STAB2: variants seen among roughly 807,000 people sequenced by gnomAD.
The protein encoded by STAB2 is stabilin-2.
A neutral mutation model predicts 338.1 loss-of-function variants in STAB2; 288 were observed. The observed-to-expected ratio is 0.85, with a 90% CI of 0.77 to 0.94. The LOEUF (loss-of-function observed/expected upper bound fraction) is 0.94, where lower values mean the gene tolerates loss of function less well. Ranked by LOEUF, STAB2 falls within the 40% of genes least tolerant of loss-of-function variation. The pLI, the probability that STAB2 is intolerant of heterozygous loss-of-function variation, is 0.00. For synonymous variants in STAB2, 1,202 were observed against 1,193.3 expected (o/e 1.01, Z -0.15); for missense variants, 3,141 against 3,210.1 (o/e 0.98, Z 0.52).
At chr12:103,610,855 T>C (rs1957111492) in intron 3 of STAB2, among the ~76,000 whole-genome samples, 1 of 152,210 alleles carries the variant, frequency 6.6e-6, no homozygotes, top group African/African-American at 2.4e-5. Context: ...ACACACTGCT[T>C]TAAATGTGTC....
At chr12:103,637,930 GT>G in intron 7 of STAB2, 85 bp from the exon 8 acceptor site, 1 of 1,396,594 alleles carries the variant, frequency 7.2e-7, no homozygotes, top group Non-Finnish European at 9.9e-7. Flanking sequence ...TGCCTTTGAG[GT>G]TTTGATCCAC....
chr12:103,664,815 G>T (rs1261525588), intron 18 of STAB2, among the ~76,000 whole-genome samples: 1 of 152,180 alleles, frequency 6.6e-6, no homozygotes, highest in Non-Finnish European at 1.5e-5. Context: ...GATCCTCTGT[G>T]CCAGTCAGAT....
rs1878646495 is a variant in STAB2, at chr12:103,699,147, A to G, written c.3634A>G (p.Asn1212Asp). The change falls in exon 34 of 69, where the codon AAT (asparagine) becomes GAT (aspartate). Residue 1212 changes from asparagine to aspartate, a missense_variant. By Grantham distance (23) the Asn-to-Asp change is conservative. Coordinates refer to ENST00000388887, the MANE Select transcript of STAB2 (RefSeq NM_017564.10). ...GGTCCTGGAGGAGAAACTCCTGAAG[A>G]ATGACCTGCACAATGGCATGCATCG... ...HVVLEEKLLK[N>D]DLHNGMHRET... 1 of 1,613,270 alleles carries G rather than the reference A, an allele frequency of 6.2e-7. No homozygotes were observed. Among genetic ancestry groups the G allele is most frequent in the South Asian group, 1.1e-5 (1 of 91,016 alleles).
chr12:103,618,107 T>C (rs1271606987), intron 3 of STAB2, among the ~76,000 whole-genome samples: 2 of 152,202 alleles, frequency 1.3e-5, no homozygotes, highest in Non-Finnish European at 2.9e-5. Flanking sequence ...GAAGTCTCTT[T>C]CTTCAAGAAC....
intron 15 of STAB2, among the ~76,000 whole-genome samples, chr12:103,655,934 C>T (rs1358096107): frequency 6.6e-6 from 1 of 152,212 alleles, no homozygotes; most frequent in Non-Finnish European, 1.5e-5. Flanking sequence ...ACTCTAAAAT[C>T]ACCTAGAGAA....
At chr12:103,673,223 G>A (rs753953423) in intron 22 of STAB2, among the ~76,000 whole-genome samples, 1 of 152,116 alleles carries the variant, frequency 6.6e-6, no homozygotes, top group African/African-American at 2.4e-5. Context: ...GAAATTTCCA[G>A]GCTAAACTCT....
At chr12:103,643,533 G>C (rs1035503741) in intron 9 of STAB2, among the ~76,000 whole-genome samples, 3 of 152,018 alleles carry the variant, frequency 2.0e-5, no homozygotes, top group African/African-American at 7.2e-5. Flanking sequence ...CTCCCTCTGG[G>C]CTCCCAGAGC....
At chr12:103,673,549 A>G (rs1876031021) in intron 22 of STAB2, among the ~76,000 whole-genome samples, 1 of 151,852 alleles carries the variant, frequency 6.6e-6, no homozygotes, top group African/African-American at 2.4e-5. Flanking sequence ...GGGTTTCACC[A>G]TGTTGCCCAG....
Position 103,727,251 on chromosome 12 carries a change from A to G in STAB2, c.4852-16A>G. On this transcript the variant is annotated splice_polypyrimidine_tract_variant and intron_variant, in intron 46 of 68. Transcript: ENST00000388887. ...GTTAAGTGAGTGATGTGTGAGCCTC[A>G]CCTTTCTTCCCACAGGAGCATTTCG... 6.2e-7 allele frequency: 1 copy of G among 1,614,088 alleles called. No homozygotes were observed. The highest frequency in any genetic ancestry group is 8.5e-7 in the Non-Finnish European group (1 of 1,179,934).
chr12:103,720,932 T>C (rs143867862), intron 44 of STAB2, among the ~76,000 whole-genome samples: 3 of 152,344 alleles, frequency 2.0e-5, no homozygotes, highest in African/African-American at 4.8e-5. Flanking sequence ...TCTGTTTTCT[T>C]CTCTTTTCAC....
In STAB2 at chr12:103,660,734, C is replaced by T; in HGVS notation, c.1840C>T (p.Gln614Ter). ...CCCTCACATCAGGAGCATGGCCAAC[C>T]AGCTCATACAGTTCAACACCACCGA... ...STPHIRSMAN[Q>*]LIQFNTTDNG... Residue 614 changes from glutamine (Q) to a stop codon, truncating the protein, a stop_gained, in exon 17 of 69, where the codon CAG becomes TAG. Transcript: ENST00000388887. LOFTEE classifies it high-confidence loss of function. 6.2e-7 allele frequency: 1 copy of T among 1,614,082 alleles called. No individual in the cohort carries two copies.
chr12:103,654,557 C>T lies in STAB2; in HGVS notation c.1410C>T (p.Asp470=). The change falls in exon 13 of 69, where the codon GAC becomes GAT. Residue 470 remains aspartate (D), a splice_region_variant and synonymous_variant. Transcript: ENST00000388887. ...TTTATCTTTCTTTGGTGTTTTAGGA[C>T]AATCAAATAAAGCTTAAACTCCATG... The part of the protein sequence containing the change: ...KSGEIFNSDK[D]NQIKLKLHGG... The T allele has an allele frequency of 1.2e-6, 2 of 1,613,484 alleles. No homozygotes were observed. The highest frequency in any genetic ancestry group is 1.3e-5 in the African/African-American group (1 of 74,966).
rs753703833 is a variant in STAB2 at position 103,715,819 on chromosome 12, C to A, written c.4542C>A (p.Ile1514=). The change falls in exon 43 of 69, where the codon ATC becomes ATA. Residue 1514 remains isoleucine, a synonymous_variant. Transcript: ENST00000388887. ...YTGDGIVCLE[I]NPCLENHGGC... ...TGTTGGCTTTTTGTTTTAAAGAAAT[C>A]AACCCGTGTTTGGAGAACCATGGTG... 4 of 1,613,936 alleles carry A rather than the reference C, an allele frequency of 2.5e-6. No homozygotes were observed. Among genetic ancestry groups the A allele is most frequent in the East Asian group, 2.2e-5 (1 of 44,898 alleles).
At chr12:103,604,968 G>A (rs767515721) in intron 3 of STAB2, among the ~76,000 whole-genome samples, 2 of 151,312 alleles carry the variant, frequency 1.3e-5, no homozygotes, top group Non-Finnish European at 3.0e-5. Flanking sequence ...TTCTCATATA[G>A]TATTTATTTA....
At chr12:103,727,425 A>G in intron 47 of STAB2, 75 bp downstream of exon 47, 1 of 1,511,718 alleles carries the variant, frequency 6.6e-7, no homozygotes. Flanking sequence ...CCTGGAACCA[A>G]GACTGGAGAT....
chr12:103,731,469 T>A, intron 49 of STAB2, 107 bp from the exon 50 acceptor site: 1 of 1,110,948 alleles, frequency 9.0e-7, no homozygotes, highest in East Asian at 2.6e-5. Flanking sequence ...CCCATCTATG[T>A]ATCCGTCAGG....
In STAB2 at chr12:103,669,560, GC is replaced by G; in HGVS notation, c.2193del (p.Phe732SerfsTer72). On this transcript the variant is annotated frameshift_variant, in exon 21 of 69. Coordinates refer to ENST00000388887, the MANE Select transcript of STAB2 (RefSeq NM_017564.10). LOFTEE classifies it high-confidence loss of function. The stretch of plus-strand genomic sequence containing the variant: ...TTTCAGATTCCAAAGTGCTGCAAAG[GC>G]TTCTATGGACCTGACTGCAACCAGT... Reference protein sequence around the residue: ...ATVKIPKCCKGFYGPDCNQCP... With the variant: ...ATVKIPKCCKXFYGPDCNQCP... 2.5e-6 allele frequency: 4 copies of G among 1,614,200 alleles called. No individual in the cohort carries two copies. Among genetic ancestry groups the G allele is most frequent in the Non-Finnish European group, 3.4e-6 (4 of 1,180,030 alleles).
At chr12:103,672,184 A>G (rs1271982242) in intron 22 of STAB2, among the ~76,000 whole-genome samples, 1 of 152,178 alleles carries the variant, frequency 6.6e-6, no homozygotes, top group Non-Finnish European at 1.5e-5. Context: ...CCGCTCTCCT[A>G]CCTTATTTGA....
rs148221380 is a variant in STAB2 at position 103,674,023 on chromosome 12, T to C, written c.2488T>C (p.Cys830Arg). The change falls in exon 23 of 69, where the codon TGT becomes CGT. Residue 830 changes from cysteine to arginine, a missense_variant. By Grantham distance (180) the Cys-to-Arg change is radical. Coordinates refer to ENST00000388887, the MANE Select transcript of STAB2 (RefSeq NM_017564.10). ...GRLCDKQTSA[C>R]GPYVQFCHIH... ...ACTCTGTGATAAGCAGACCTCAGCC[T>C]GTGGGCCCTACGTGCAGTTCTGTCA... is the stretch of plus-strand genomic sequence containing the variant. 24 of 1,613,958 alleles carry C rather than the reference T, an allele frequency of 1.5e-5. No homozygotes were observed. The highest frequency in any genetic ancestry group is 1.9e-5 in the Non-Finnish European group (23 of 1,179,994).
Sources: gnomAD v4.1 joint callset for allele counts (sites outside exome capture counted in the v4.1 genomes callset) on GRCh38, gnomAD v4.1.1 for gene constraint, MANE v1.5 for transcripts, NCBI Gene and HGNC (gene_info 2026-07-23, HGNC 2026-07-21) for gene names.